The following SLC24A3 variants were observed in gnomAD, a reference collection of about 807,000 sequenced individuals.
SLC24A3 encodes the protein sodium/potassium/calcium exchanger 3.
SLC24A3 carries 28 observed loss-of-function variants against 75.8 expected under a neutral mutation model. The ratio of observed to expected loss-of-function variants is 0.37; its 90% CI spans 0.27 to 0.51. The LOEUF (loss-of-function observed/expected upper bound fraction) is 0.51. SLC24A3 is among the 20% of genes least tolerant of loss of function. SLC24A3 has a pLI of 0.94. For missense variants in SLC24A3, 663 were observed against 847.8 expected (o/e 0.78, Z 2.71); for synonymous variants, 372 against 334.1 (o/e 1.11, Z -1.24).
intron 2 of SLC24A3, among the ~76,000 whole-genome samples, chr20:19,466,952 C>T (rs1987776317): frequency 1.3e-5 from 2 of 152,174 alleles, no homozygotes; most frequent in Non-Finnish European, 2.9e-5. Flanking sequence ...GGGTCCCTGA[C>T]CTCTGAGCTT....
intron 2 of SLC24A3, among the ~76,000 whole-genome samples, chr20:19,378,435 A>C (rs1025740238): frequency 1.3e-5 from 2 of 152,230 alleles, no homozygotes; most frequent in East Asian, 3.8e-4. Context: ...AATAAAACTA[A>C]GCTAACTGAT....
intron 1 of SLC24A3, among the ~76,000 whole-genome samples, chr20:19,247,794 T>G (rs1982539138): frequency 6.6e-6 from 1 of 152,242 alleles, no homozygotes; most frequent in Non-Finnish European, 1.5e-5. Flanking sequence ...ACTTCTAAAA[T>G]GTGAACACTA....
chr20:19,325,339 G>A (rs1048489753), intron 2 of SLC24A3, among the ~76,000 whole-genome samples: 5 of 151,910 alleles, frequency 3.3e-5, no homozygotes, highest in South Asian at 2.1e-4. Context: ...CCAGCTACTG[G>A]TGGGGCTGAG....
chr20:19,579,703 T>C (rs2031191732), intron 3 of SLC24A3, among the ~76,000 whole-genome samples: 1 of 152,120 alleles, frequency 6.6e-6, no homozygotes, highest in African/African-American at 2.4e-5. Flanking sequence ...CAGTGGGATA[T>C]CTTGGGGCAG....
In SLC24A3 at chr20:19,538,735, A is replaced by G. The variant is rs530619166; in HGVS notation, c.348+23171A>G. ...GGCACTAAGTAGTAGAGCTGAACATATGCATGCTCCCTGATCCAACACCAC... is the reference window on the plus strand; with the variant it reads ...GGCACTAAGTAGTAGAGCTGAACATGTGCATGCTCCCTGATCCAACACCAC... On this transcript the variant is annotated intron_variant, in intron 3 of 16. Transcript: ENST00000328041. Among the ~76,000 whole-genome samples, 19 of 152,328 alleles carry G rather than the reference A, an allele frequency of 1.2e-4. No individual in the cohort carries two copies. In the East Asian group the frequency reaches 3.5e-3, roughly 28 times the overall value.
chr20:19,428,947 G>GT (rs1225691935), intron 2 of SLC24A3, among the ~76,000 whole-genome samples: 1 of 152,186 alleles, frequency 6.6e-6, no homozygotes, highest in Non-Finnish European at 1.5e-5. Flanking sequence ...GTGAATTGTG[G>GT]TTTTGTCAGC....
rs574919064 is a variant in SLC24A3, at chr20:19,247,317, C to T, written c.143-33642C>T. Among the ~76,000 whole-genome samples the T allele has an allele frequency of 3.3e-5, 5 of 152,174 alleles. No individual in the cohort carries two copies. In the East Asian group the frequency reaches 9.7e-4, roughly 29 times the overall value. On this transcript the variant is annotated intron_variant, in intron 1 of 16. Coordinates refer to ENST00000328041, the MANE Select transcript of SLC24A3 (RefSeq NM_020689.4). ...ATGCCCACTCTCCTACCTACCCTCG[C>T]GAAAGTTACTTGTAACCCCAGTTAC...
chr20:19,377,062 G>A (rs1986096016), intron 2 of SLC24A3, among the ~76,000 whole-genome samples: 1 of 152,194 alleles, frequency 6.6e-6, no homozygotes, highest in Non-Finnish European at 1.5e-5. Context: ...TGCCAGGGCT[G>A]CCTACTTGGG....
chr20:19,684,988 T>C (rs1482396099), intron 11 of SLC24A3, 112 bp from the exon 12 acceptor site: 17 of 1,370,692 alleles, frequency 1.2e-5, no homozygotes, highest in Non-Finnish European at 1.7e-5. Flanking sequence ...CTCCAGGGTC[T>C]TCTGGAAGCA....
chr20:19,564,259 C>T (rs893919264), intron 3 of SLC24A3, among the ~76,000 whole-genome samples: 3 of 152,166 alleles, frequency 2.0e-5, no homozygotes, highest in Non-Finnish European at 4.4e-5. Context: ...GTAGAGGTCA[C>T]GGGCATTCTG....
In SLC24A3 at chr20:19,365,168, G is replaced by T. The variant is rs532332193; in HGVS notation, c.271+84081G>T. Among the ~76,000 whole-genome samples the T allele has an allele frequency of 3.9e-4, 59 of 152,312 alleles. 1 individual carries two copies. The South Asian group carries it at 4.4e-3, about 11-fold the overall frequency. On this transcript the variant is annotated intron_variant, in intron 2 of 16. Transcript: ENST00000328041. Reference sequence around the variant, plus strand: ...GCTCACCTACTGGCCCCTTCAGCTTGACTTTCCCTCAAGCCAACTTCTGGG... The same window carrying T: ...GCTCACCTACTGGCCCCTTCAGCTTTACTTTCCCTCAAGCCAACTTCTGGG...
chr20:19,260,435 C>G (rs1000049637), intron 1 of SLC24A3, among the ~76,000 whole-genome samples: 1 of 152,192 alleles, frequency 6.6e-6, no homozygotes, highest in Non-Finnish European at 1.5e-5. Flanking sequence ...TATTATGACT[C>G]CTAGTACACA....
intron 9 of SLC24A3, among the ~76,000 whole-genome samples, chr20:19,677,961 G>A (rs1428406231): frequency 4.0e-5 from 6 of 151,326 alleles, no homozygotes; most frequent in African/African-American, 1.5e-4. Flanking sequence ...ATCTTGCACC[G>A]CCCTTAATCC....
intron 6 of SLC24A3, among the ~76,000 whole-genome samples, chr20:19,599,758 C>T (rs1042534932): frequency 6.6e-6 from 1 of 152,136 alleles, no homozygotes; most frequent in Non-Finnish European, 1.5e-5. Flanking sequence ...CGCTGTGGTG[C>T]TGGGATGTTC....
intron 2 of SLC24A3, among the ~76,000 whole-genome samples, chr20:19,494,667 G>A (rs571288496): frequency 1.3e-5 from 2 of 152,234 alleles, no homozygotes; most frequent in South Asian, 2.1e-4. Context: ...GCCTGGACTA[G>A]GGTCTTCCTG....
intron 3 of SLC24A3, among the ~76,000 whole-genome samples, chr20:19,532,030 C>T (rs1296801650): frequency 3.9e-5 from 6 of 152,226 alleles, no homozygotes; most frequent in Admixed American, 3.9e-4. Context: ...GGGGTTGACT[C>T]CAGGCTATGG....
At chr20:19,298,897 T>C (rs1440743285) in intron 2 of SLC24A3, among the ~76,000 whole-genome samples, 1 of 152,180 alleles carries the variant, frequency 6.6e-6, no homozygotes, top group Non-Finnish European at 1.5e-5. Flanking sequence ...CTTCCACCAG[T>C]CATGGGTTGG....
chr20:19,494,490 C>T (rs1988253131), intron 2 of SLC24A3, among the ~76,000 whole-genome samples: 1 of 152,168 alleles, frequency 6.6e-6, no homozygotes, highest in Non-Finnish European at 1.5e-5. Context: ...ATATAAAACC[C>T]TTCTAGAATC....
At chr20:19,333,004 T>G (rs6132194) in intron 2 of SLC24A3, among the ~76,000 whole-genome samples, 20,785 of 152,196 alleles carry the variant, frequency 0.14, 3,337 homozygotes, top group African/African-American at 0.36. Context: ...AGGGGCTGTG[T>G]CTGGGTTCTT....
Sources: gnomAD v4.1 joint callset for allele counts (sites outside exome capture counted in the v4.1 genomes callset) on GRCh38, gnomAD v4.1.1 for gene constraint, MANE v1.5 for transcripts, NCBI Gene and HGNC (gene_info 2026-07-23, HGNC 2026-07-21) for gene names.